CAMK4: variants seen among roughly 807,000 people sequenced by gnomAD.
The protein encoded by CAMK4 is calcium/calmodulin dependent protein kinase IV.
A neutral mutation model predicts 44.9 loss-of-function variants in CAMK4; 22 were observed. The observed-to-expected ratio is 0.49, with a 90% CI of 0.35 to 0.70. The LOEUF is 0.70. Ranked by LOEUF, CAMK4 falls within the 30% of genes least tolerant of loss-of-function variation. The probability of loss-of-function intolerance (pLI) is 0.01; values close to 1 mark genes in which losing one functional copy is unlikely to be tolerated. For synonymous variants in CAMK4, 218 were observed against 215.4 expected (o/e 1.01, Z -0.11); for missense variants, 498 against 586.8 (o/e 0.85, Z 1.56).
rs542268573 is a variant in CAMK4 at position 111,462,037 on chromosome 5, C to T, written c.626-11274C>T. 1.6e-4 allele frequency among the ~76,000 whole-genome samples: 25 copies of T among 152,260 alleles called. No homozygotes were observed. The East Asian group carries it at 3.1e-3, about 19-fold the overall frequency. ...CCTGCCTCACAGGCACTGCTCATCCCACCTAGGCATGGCTGGATACTTGAG... is the reference window on the plus strand; with the variant it reads ...CCTGCCTCACAGGCACTGCTCATCCTACCTAGGCATGGCTGGATACTTGAG... On this transcript the variant is annotated intron_variant, in intron 7 of 10. Coordinates refer to ENST00000282356, the MANE Select transcript of CAMK4 (RefSeq NM_001744.6).
chr5:111,407,973 A>G (rs2112888966), intron 5 of CAMK4, among the ~76,000 whole-genome samples: 1 of 152,132 alleles, frequency 6.6e-6, no homozygotes, highest in African/African-American at 2.4e-5. Flanking sequence ...TAAAAATACA[A>G]AATTAGCCGG....
chr5:111,255,812 C>T (rs1290278186), intron 1 of CAMK4, among the ~76,000 whole-genome samples: 1 of 152,162 alleles, frequency 6.6e-6, no homozygotes, highest in Non-Finnish European at 1.5e-5. Context: ...TGCCCATTTC[C>T]TGCTCACCAC....
intron 1 of CAMK4, among the ~76,000 whole-genome samples, chr5:111,278,482 T>C (rs1750866693): frequency 6.6e-6 from 1 of 152,202 alleles, no homozygotes; most frequent in Non-Finnish European, 1.5e-5. Context: ...AGACAACATA[T>C]ATACTACATT....
intron 4 of CAMK4, among the ~76,000 whole-genome samples, chr5:111,391,274 C>T (rs421357): frequency 0.37 from 56,664 of 151,884 alleles, 11,026 homozygotes; most frequent in Non-Finnish European, 0.43. Context: ...TATTTTTGAA[C>T]GCTTCATGAA....
Position 111,484,056 on chromosome 5 carries a change from C to A in CAMK4, c.1012C>A (p.Arg338Ser). Residue 338 changes from arginine to serine, a missense_variant, in exon 11 of 11, where the codon CGC becomes AGC. Physicochemically the swap from Arg to Ser is moderately radical, Grantham distance 110. This residue lies in a region of CAMK4 where 203 missense variants were observed against 298.2 expected (regional missense o/e 0.68). Coordinates refer to ENST00000282356, the MANE Select transcript of CAMK4 (RefSeq NM_001744.6). The surrounding 1 kb of genome is among the most constrained non-coding windows in gnomAD (Gnocchi z 5.3). ...GGTGAAGGCTGTGGTGGCCTCTTCG[C>A]GCCTGGGAAGTGCCAGCAGCAGCCA... ...AAVKAVVASSRLGSASSSHGS... is the reference protein window; with the variant it reads ...AAVKAVVASSSLGSASSSHGS... 6.2e-7 allele frequency: 1 copy of A among 1,604,118 alleles called. No individual in the cohort carries two copies. The highest frequency in any genetic ancestry group is 8.5e-7 in the Non-Finnish European group (1 of 1,175,038).
chr5:111,388,205 T>A (rs921536806), intron 4 of CAMK4, among the ~76,000 whole-genome samples: 1 of 152,194 alleles, frequency 6.6e-6, no homozygotes, highest in Admixed American at 6.5e-5. Context: ...GGGAGGCACT[T>A]GAGTTTTGTG....
upstream of CAMK4, chr5:111,224,165 G>A: frequency 8.6e-6 from 2 of 232,962 alleles, no homozygotes; most frequent in Non-Finnish European, 8.1e-6. The surrounding 1 kb of genome is among the most constrained non-coding windows in gnomAD (Gnocchi z 5.7). Flanking sequence ...AGGGAGGGCG[G>A]CGGGAAAGGC....
chr5:111,348,721 A>G (rs1749970594), intron 2 of CAMK4, among the ~76,000 whole-genome samples: 1 of 152,058 alleles, frequency 6.6e-6, no homozygotes, highest in African/African-American at 2.4e-5. Context: ...ATTGTAGTAT[A>G]TTATTATTCA....
intron 7 of CAMK4, among the ~76,000 whole-genome samples, chr5:111,457,714 C>T (rs1754468430): frequency 6.6e-6 from 1 of 152,124 alleles, no homozygotes; most frequent in Non-Finnish European, 1.5e-5. Flanking sequence ...AAAAGAAATA[C>T]ATCTCATAAT....
intron 1 of CAMK4, among the ~76,000 whole-genome samples, chr5:111,227,752 G>A (rs781407878): frequency 7.9e-5 from 12 of 152,210 alleles, no homozygotes; most frequent in Non-Finnish European, 1.2e-4. Flanking sequence ...GGGGTTACGG[G>A]TGAATTAAAA....
At chr5:111,273,724 C>A (rs71586602) in intron 1 of CAMK4, among the ~76,000 whole-genome samples, 3 of 71,544 alleles carry the variant, frequency 4.2e-5, no homozygotes, top group East Asian at 6.4e-4. Flanking sequence ...TATATACACA[C>A]ACATACATAC....
intron 1 of CAMK4, among the ~76,000 whole-genome samples, chr5:111,267,320 G>A (rs1177315490): frequency 6.6e-6 from 1 of 152,106 alleles, no homozygotes; most frequent in Non-Finnish European, 1.5e-5. Context: ...TTCCTATTAT[G>A]TATATATTAT....
intron 1 of CAMK4, among the ~76,000 whole-genome samples, chr5:111,299,981 G>A (rs1041780418): frequency 1.3e-5 from 2 of 152,188 alleles, no homozygotes; most frequent in African/African-American, 4.8e-5. Context: ...AAGCCAGCAA[G>A]CAGCCCCTTC....
chr5:111,275,166 G>T (rs1750704427), intron 1 of CAMK4, among the ~76,000 whole-genome samples: 2 of 152,082 alleles, frequency 1.3e-5, no homozygotes, highest in South Asian at 4.2e-4. Context: ...TAGCAGTTTT[G>T]AAATATACAA....
At chr5:111,363,545 C>T (rs1208325168) in intron 2 of CAMK4, among the ~76,000 whole-genome samples, 1 of 152,046 alleles carries the variant, frequency 6.6e-6, no homozygotes, top group African/African-American at 2.4e-5. Flanking sequence ...GATAACATAG[C>T]TTTTTGTGAC....
At chr5:111,333,956 C>T (rs1317989749) in intron 1 of CAMK4, among the ~76,000 whole-genome samples, 2 of 151,388 alleles carry the variant, frequency 1.3e-5, no homozygotes, top group South Asian at 2.1e-4. Context: ...AAAAAGTTGA[C>T]GTAAGGCACC....
At chr5:111,382,275 G>C (rs940323799) in intron 4 of CAMK4, among the ~76,000 whole-genome samples, 1 of 151,942 alleles carries the variant, frequency 6.6e-6, no homozygotes, top group African/African-American at 2.4e-5. Context: ...CTGTACTTCA[G>C]CATTTCTAGA....
At chr5:111,348,464 T>C (rs967486522) in intron 2 of CAMK4, among the ~76,000 whole-genome samples, 2 of 152,032 alleles carry the variant, frequency 1.3e-5, no homozygotes, top group African/African-American at 4.8e-5. Flanking sequence ...TTGTGATAAA[T>C]TAACAGGTAA....
At chr5:111,275,885 A>G (rs577606218) in intron 1 of CAMK4, among the ~76,000 whole-genome samples, 2 of 152,262 alleles carry the variant, frequency 1.3e-5, no homozygotes, top group East Asian at 1.9e-4. Context: ...AGAGTCACAT[A>G]TACCCCCAAA....
Sources: allele counts gnomAD v4.1 joint callset (sites outside exome capture counted in the v4.1 genomes callset), GRCh38; gene constraint gnomAD v4.1.1; regional missense constraint gnomAD v4.1.1; non-coding constraint Gnocchi (gnomAD v3.1); transcripts MANE v1.5; gene names NCBI Gene and HGNC (gene_info 2026-07-23, HGNC 2026-07-21).